Variants in BICRAL observed in about 807,000 individuals in gnomAD.
The protein encoded by BICRAL is BRD4-interacting chromatin-remodeling complex-associated protein-like.
Under a neutral mutation model 91.8 loss-of-function variants are expected in BICRAL, and 8 were observed. That is an observed-to-expected ratio of 0.09 (90% CI 0.05 to 0.16). BICRAL has a LOEUF of 0.16. Ranked by LOEUF, BICRAL falls within the 10% of genes least tolerant of loss-of-function variation. The pLI, the probability that BICRAL is intolerant of heterozygous loss-of-function variation, is 1.00. For synonymous variants in BICRAL, 445 were observed against 491.1 expected (o/e 0.91, Z 1.24); for missense variants, 1,038 against 1,310.9 (o/e 0.79, Z 3.21).
At position 42,829,689 on chromosome 6, in the gene BICRAL, C is replaced by A; in HGVS notation, c.1356C>A (p.Leu452=). The A allele has an allele frequency of 6.2e-7, 1 of 1,614,184 alleles. No homozygotes were observed. Among genetic ancestry groups the A allele is most frequent in the South Asian group, 1.1e-5 (1 of 91,080 alleles). ...TGAACAGAAACTCTTCCAACATGCT[C>A]AGGACCAACCAACCATATACTGGAC... ...VMLNRNSSNM[L]RTNQPYTGPM... Residue 452 remains leucine, a synonymous_variant, in exon 6 of 13, where the codon CTC becomes CTA. Coordinates refer to ENST00000314073, the MANE Select transcript of BICRAL (RefSeq NM_001393499.1).
intron 1 of BICRAL, among the ~76,000 whole-genome samples, chr6:42,748,104 C>CT (rs35511368): frequency 0.042 from 5,181 of 124,490 alleles, 204 homozygotes; most frequent in African/African-American, 0.096. Flanking sequence ...GTGCCTGGCC[C>CT]TTTTTTTTTT....
chr6:42,766,868 G>A (rs887356990), intron 1 of BICRAL, among the ~76,000 whole-genome samples: 6 of 151,988 alleles, frequency 3.9e-5, no homozygotes, highest in Admixed American at 6.6e-5. Flanking sequence ...GTGAAACCTC[G>A]TCTCTACTAA....
At chr6:42,747,622 C>A (rs1762300519) in intron 1 of BICRAL, among the ~76,000 whole-genome samples, 1 of 152,132 alleles carries the variant, frequency 6.6e-6, no homozygotes. Flanking sequence ...GCAGATTCCC[C>A]GCGCAGGCGG....
Position 42,865,472 on chromosome 6 carries a change from C to T in BICRAL, c.*26C>T. The T allele has an allele frequency of 2.3e-6, 3 of 1,311,948 alleles. 1 individual carries two copies. The highest frequency in any genetic ancestry group is 1.1e-6 in the Non-Finnish European group (1 of 932,742). The allele number at this position is 1,311,948 out of a possible 1,614,324, so 81.3% of individuals were successfully genotyped here. A position where few individuals can be genotyped will look rare whatever the true frequency, so the allele number is the denominator to read the frequency against. On this transcript the variant is annotated 3_prime_UTR_variant, in exon 13 of 13. Transcript: ENST00000314073. Reference sequence around the variant, plus strand: ...TAGCAGCAGTCCTCCCCCTACCCCGCCCCGAGACCCCACCCCGAGACCCCA... The same window carrying T: ...TAGCAGCAGTCCTCCCCCTACCCCGTCCCGAGACCCCACCCCGAGACCCCA...
Position 42,865,633 on chromosome 6 carries a change from G to T in BICRAL, c.*187G>T. The T allele has an allele frequency of 1.8e-6, 1 of 561,868 alleles. No individual in the cohort carries two copies. The highest frequency in any genetic ancestry group is 3.1e-6 in the Non-Finnish European group (1 of 317,596). 34.8% of individuals were successfully genotyped at this position (561,868 alleles called of 1,614,324 possible). ...TTTGTTTAAGAGCAATACTTGTCGT[G>T]ATTACAGGGAGATCCTTTAGTAAAA... On this transcript the variant is annotated 3_prime_UTR_variant, in exon 13 of 13. Coordinates refer to ENST00000314073, the MANE Select transcript of BICRAL (RefSeq NM_001393499.1).
At chr6:42,770,417 T>TA (rs1562453044) in intron 1 of BICRAL, among the ~76,000 whole-genome samples, 4 of 140,598 alleles carry the variant, frequency 2.8e-5, no homozygotes, top group African/African-American at 1.1e-4. Context: ...TTATTATTTT[T>TA]TTTTTTTTTT....
intron 3 of BICRAL, among the ~76,000 whole-genome samples, 178 bp from the exon 4 acceptor site, chr6:42,822,618 C>T (rs1332955376): frequency 6.7e-6 from 1 of 149,032 alleles, no homozygotes; most frequent in Non-Finnish European, 1.5e-5. Context: ...TAGGAAATGG[C>T]ACAACATCAA....
chr6:42,766,833 G>A (rs1370162510), intron 1 of BICRAL, among the ~76,000 whole-genome samples: 1 of 152,156 alleles, frequency 6.6e-6, no homozygotes, highest in African/African-American at 2.4e-5. Flanking sequence ...GAGGTCAGGA[G>A]ATCGAGACCA....
chr6:42,756,001 ATC>A lies in BICRAL; in HGVS notation c.-261+8984_-261+8985del, dbSNP rs1419499840. Among the ~76,000 whole-genome samples the A allele has an allele frequency of 5.3e-5, 8 of 151,904 alleles. No individual in the cohort carries two copies. In the South Asian group the frequency reaches 1.5e-3, roughly 28 times the overall value. On this transcript the variant is annotated intron_variant, in intron 1 of 14. Coordinates refer to the BICRAL transcript ENST00000614467. ...GTCACCTCTTTCTTCAGGATTTTTA[ATC>A]TCTCTTTTCTTTGGCATCTCCTCTC... is the stretch of plus-strand genomic sequence containing the variant.
chr6:42,817,900 G>GCCTACAGTAGGCCTACTTA (rs1182867962), intron 2 of BICRAL, among the ~76,000 whole-genome samples: 1 of 151,358 alleles, frequency 6.6e-6, no homozygotes, highest in Non-Finnish European at 1.5e-5. Flanking sequence ...AGCTACTTAG[G>GCCTACAGTAGGCCTACTTA]GGGTTAAGGA....
chr6:42,784,629 A>T (rs1339881219), intron 1 of BICRAL, among the ~76,000 whole-genome samples: 1 of 152,228 alleles, frequency 6.6e-6, no homozygotes, highest in Non-Finnish European at 1.5e-5. Context: ...ACGTTCATAG[A>T]AGTATAGTAA....
intron 1 of BICRAL, among the ~76,000 whole-genome samples, chr6:42,756,185 T>C (rs985302806): frequency 2.6e-4 from 40 of 152,206 alleles, no homozygotes; most frequent in African/African-American, 8.9e-4. Context: ...CTTAGCCACT[T>C]ATCCGACTTC....
chr6:42,867,552 G>A lies in BICRAL; in HGVS notation c.*2106G>A, dbSNP rs1765747908. On this transcript the variant is annotated 3_prime_UTR_variant, in exon 13 of 13. Transcript: ENST00000314073. Reference sequence around the variant, plus strand: ...ATGCTCCCCTAATTCCTAGCAAGATGATCCTTCCTAATCAAATTCTTCTCA... The same window carrying A: ...ATGCTCCCCTAATTCCTAGCAAGATAATCCTTCCTAATCAAATTCTTCTCA... 6.6e-6 allele frequency: 1 copy of A among 152,518 alleles called. No homozygotes were observed. The allele number at this position is 152,518 out of a possible 1,614,324, so 9.4% of individuals were successfully genotyped here.
intron 6 of BICRAL, among the ~76,000 whole-genome samples, chr6:42,847,995 G>A (rs1765069001): frequency 6.6e-6 from 1 of 152,116 alleles, no homozygotes; most frequent in African/African-American, 2.4e-5. Flanking sequence ...CCGGTATGGT[G>A]GCGGGCGCCT....
At chr6:42,852,638 G>C (rs1442191776) in intron 7 of BICRAL, among the ~76,000 whole-genome samples, 5 of 148,606 alleles carry the variant, frequency 3.4e-5, no homozygotes, top group Admixed American at 1.3e-4. Context: ...TTCCAGTCTG[G>C]GTGACAGGGC....
At chr6:42,847,758 A>G (rs943266689) in intron 6 of BICRAL, among the ~76,000 whole-genome samples, 1 of 152,106 alleles carries the variant, frequency 6.6e-6, no homozygotes, top group Non-Finnish European at 1.5e-5. Context: ...CCCTGTCTCT[A>G]CTAAAAATAC....
intron 1 of BICRAL, among the ~76,000 whole-genome samples, chr6:42,788,836 C>T (rs568273184): frequency 1.5e-4 from 23 of 151,972 alleles, no homozygotes; most frequent in African/African-American, 3.6e-4. Flanking sequence ...AATCCCTTGC[C>T]GTGGCTTGGG....
At chr6:42,855,115 T>C (rs1315831563) in intron 8 of BICRAL, among the ~76,000 whole-genome samples, 1 of 152,140 alleles carries the variant, frequency 6.6e-6, no homozygotes, top group Non-Finnish European at 1.5e-5. Flanking sequence ...TAACATGATG[T>C]AAAAAATGCC....
At chr6:42,793,644 T>G (rs766036620) in intron 1 of BICRAL, among the ~76,000 whole-genome samples, 7 of 151,856 alleles carry the variant, frequency 4.6e-5, no homozygotes, top group Non-Finnish European at 1.0e-4. Flanking sequence ...TCTGTGAGAG[T>G]TTTAGGATGG....
Sources: gnomAD v4.1 joint callset for allele counts (sites outside exome capture counted in the v4.1 genomes callset) on GRCh38, gnomAD v4.1.1 for gene constraint, MANE v1.5 for transcripts, NCBI Gene and HGNC (gene_info 2026-07-23, HGNC 2026-07-21) for gene names.